MTCL1: variants seen among roughly 807,000 people sequenced by gnomAD.
The protein encoded by MTCL1 is microtubule crosslinking factor 1, also known as microtubule cross-linking factor 1.
In MTCL1, 79 loss-of-function variants were observed where a neutral mutation model predicts 141.4. The observed-to-expected ratio is 0.56, with a 90% CI of 0.47 to 0.67. MTCL1 has a LOEUF of 0.67. MTCL1 is among the 30% of genes least tolerant of loss of function. The probability of loss-of-function intolerance (pLI) is 0.00; values close to 1 mark genes in which losing one functional copy is unlikely to be tolerated. For missense variants in MTCL1, 2,177 were observed against 2,113.9 expected (o/e 1.03, Z -0.59); for synonymous variants, 914 against 875.8 (o/e 1.04, Z -0.77).
rs1181575762 is a variant in MTCL1, at chr18:8,784,578, C to T, written c.1466C>T (p.Pro489Leu). 2.5e-6 allele frequency: 4 copies of T among 1,610,694 alleles called. No individual in the cohort carries two copies. The South Asian group carries it at 3.3e-5, about 13-fold the overall frequency. ...GATGCGGGGCTGCGGGGTGGTGCGCCCTTACCGGGGCCTGGCCTCCAGGGC... is the reference window on the plus strand; with the variant it reads ...GATGCGGGGCTGCGGGGTGGTGCGCTCTTACCGGGGCCTGGCCTCCAGGGC... Residue 489 changes from proline to leucine, a missense_variant, in exon 6 of 17, where the codon CCC becomes CTC. Transcript: ENST00000359865.
Position 8,705,711 on chromosome 18 carries a change from G to A in MTCL1, c.51G>A (p.Leu17=), listed in dbSNP as rs2096056602. The A allele has an allele frequency of 7.5e-6, 9 of 1,203,294 alleles. No homozygotes were observed. Among genetic ancestry groups the A allele is most frequent in the African/African-American group, 1.6e-5 (1 of 63,078 alleles). 74.5% of individuals were successfully genotyped at this position (1,203,294 alleles called of 1,614,324 possible). A position where few individuals can be genotyped will look rare whatever the true frequency, so the allele number is the denominator to read the frequency against. Residue 17 remains leucine (L), a synonymous_variant, in exon 1 of 14, where the codon CTG becomes CTA. Coordinates refer to the MTCL1 transcript ENST00000306329. This position sits in a 1 kb window ranked among gnomAD's most constrained non-coding sequence, Gnocchi z 5.2. ...GCGGAGGTGCCCCGGACGCGAAGCT[G>A]CAGCCGCCCGGCCAGCACCACCGCC...
chr18:8,711,664 GTT>G (rs1405163288), intron 1 of MTCL1, among the ~76,000 whole-genome samples: 1 of 151,594 alleles, frequency 6.6e-6, no homozygotes, highest in Non-Finnish European at 1.5e-5. Flanking sequence ...TTTTTCATGT[GTT>G]TTTTGGCTGC....
chr18:8,758,355 C>G (rs953954607), intron 4 of MTCL1, among the ~76,000 whole-genome samples: 7 of 152,156 alleles, frequency 4.6e-5, no homozygotes, highest in African/African-American at 1.7e-4. Flanking sequence ...AGGAGTTATG[C>G]CAGATCTACC....
At chr18:8,736,319 G>A (rs558546994) in intron 4 of MTCL1, among the ~76,000 whole-genome samples, 1 of 152,126 alleles carries the variant, frequency 6.6e-6, no homozygotes, top group African/African-American at 2.4e-5. Flanking sequence ...GGTTACATCC[G>A]ATAAACCCAT....
chr18:8,778,443 C>T (rs908398012), intron 5 of MTCL1, among the ~76,000 whole-genome samples: 2 of 152,208 alleles, frequency 1.3e-5, no homozygotes, highest in African/African-American at 4.8e-5. Context: ...TTGCTGCTAG[C>T]ATTAGGTGGT....
chr18:8,718,358 A>G, intron 2 of MTCL1, 66 bp from the exon 2 acceptor site: 1 of 1,478,468 alleles, frequency 6.8e-7, no homozygotes, highest in South Asian at 1.2e-5. Context: ...GCGGGTATGA[A>G]GGAGAGACAT....
chr18:8,803,570 T>C (rs916648595), intron 10 of MTCL1, among the ~76,000 whole-genome samples: 15 of 152,222 alleles, frequency 9.9e-5, no homozygotes, highest in Non-Finnish European at 4.4e-5. Context: ...TTTGCCGTTG[T>C]GTGCTAATGG....
chr18:8,775,431 C>T (rs929200342), intron 4 of MTCL1, among the ~76,000 whole-genome samples: 12 of 143,562 alleles, frequency 8.4e-5, no homozygotes, highest in South Asian at 2.3e-4. Flanking sequence ...AAAAAAGCTG[C>T]GCATGGTGGT....
At position 8,813,269 on chromosome 18, in the gene MTCL1, C is replaced by T. The variant is rs368594157; in HGVS notation, c.2859+36C>T. 4.4e-6 allele frequency: 7 copies of T among 1,598,960 alleles called. No homozygotes were observed. In the South Asian group the frequency reaches 5.7e-5, roughly 13 times the overall value. On this transcript the variant is annotated intron_variant, in intron 12 of 16. Coordinates refer to ENST00000359865, the Ensembl canonical transcript of MTCL1. ...ACCCCGGGGCCCTGGAGCATAGGCA[C>T]AGAGTGTAGACTGCTCAGTGGACCC...
Position 8,807,050 on chromosome 18 carries a change from G to T in MTCL1, c.2594G>T (p.Arg865Leu), listed in dbSNP as rs746329016. The T allele has an allele frequency of 1.9e-6, 3 of 1,612,880 alleles. No individual in the cohort carries two copies. In the South Asian group the frequency reaches 3.3e-5, roughly 18 times the overall value. ...GTGGAGTGGGCCGTGCTCAAGTGCC[G>T]TCTGGAACAGGTACCACCCTCCCAG... Residue 865 changes from arginine (R) to leucine (L), a missense_variant, in exon 11 of 17, where the codon CGT becomes CTT. Coordinates refer to ENST00000359865, the Ensembl canonical transcript of MTCL1.
chr18:8,769,539 A>T (rs993794483), intron 4 of MTCL1, among the ~76,000 whole-genome samples: 1 of 152,256 alleles, frequency 6.6e-6, no homozygotes, highest in African/African-American at 2.4e-5. Flanking sequence ...AAAGGTTAAA[A>T]TGAGCCAACC....
chr18:8,799,623 G>A (rs1423671813), intron 10 of MTCL1, among the ~76,000 whole-genome samples: 1 of 152,144 alleles, frequency 6.6e-6, no homozygotes, highest in East Asian at 1.9e-4. Flanking sequence ...AAGAAATGTT[G>A]TCATTCAATC....
chr18:8,728,531 T>C (rs1424199620), intron 4 of MTCL1, among the ~76,000 whole-genome samples: 1 of 152,122 alleles, frequency 6.6e-6, no homozygotes, highest in Non-Finnish European at 1.5e-5. Flanking sequence ...GTCCACTTTA[T>C]CTAGATTTAT....
At chr18:8,801,812 C>T (rs1256448695) in intron 10 of MTCL1, 1 of 152,334 alleles carries the variant, frequency 6.6e-6, no homozygotes, top group East Asian at 1.9e-4. Context: ...TTCCCGGATC[C>T]ACATTCATTC....
intron 4 of MTCL1, among the ~76,000 whole-genome samples, chr18:8,728,720 CTTTTTTTTTTTT>C (rs34524200): frequency 4.6e-4 from 27 of 59,038 alleles, no homozygotes; most frequent in African/African-American, 1.4e-3. Flanking sequence ...GTTGTCCATT[CTTTTTTTTTTTT>C]TTTTTTTTTT....
intron 7 of MTCL1, among the ~76,000 whole-genome samples, chr18:8,791,937 C>G (rs943972841): frequency 2.0e-5 from 3 of 152,108 alleles, no homozygotes; most frequent in African/African-American, 7.2e-5. Context: ...TCCTTAATAC[C>G]CCTTTCTCAT....
At position 8,825,909 on chromosome 18, in the gene MTCL1, G is replaced by A. The variant is rs114602899; in HGVS notation, c.4399G>A (p.Gly1467Ser). 2.3e-4 allele frequency: 370 copies of A among 1,611,306 alleles called. 2 individuals carry two copies. In the East Asian group the frequency reaches 6.0e-3, roughly 26 times the overall value. Residue 1467 changes from glycine to serine, a missense_variant, in exon 15 of 17, where the codon GGC (glycine) becomes AGC (serine). Gly to Ser is a moderately conservative substitution (Grantham distance 56, BLOSUM62 0). Transcript: ENST00000359865. ...CCCCTTCCAGAAGGGGCTGCGGGCC[G>A]GCAGTCGGTCTCGCTCAGCAGAGCC...
intron 4 of MTCL1, among the ~76,000 whole-genome samples, chr18:8,745,524 C>T (rs2096331746): frequency 6.6e-6 from 1 of 152,130 alleles, no homozygotes; most frequent in Non-Finnish European, 1.5e-5. Context: ...ATGTACCACA[C>T]ATTATTAGTC....
exon 13 of MTCL1, chr18:8,819,032 C>T (rs1289205803): frequency 1.2e-6 from 2 of 1,614,164 alleles, no homozygotes; most frequent in Non-Finnish European, 1.7e-6. Context: ...CAACGTTCGC[C>T]CCTTTCCCCA....
Sources: allele counts gnomAD v4.1 joint callset (sites outside exome capture counted in the v4.1 genomes callset), GRCh38; gene constraint gnomAD v4.1.1; non-coding constraint Gnocchi (gnomAD v3.1); transcripts MANE v1.5; gene names NCBI Gene and HGNC (gene_info 2026-07-23, HGNC 2026-07-21).